Variants in HCLS1 observed in about 807,000 individuals in gnomAD.
HCLS1 encodes the protein hematopoietic lineage cell-specific protein.
In HCLS1, 44 loss-of-function variants were observed where a neutral mutation model predicts 68.6. The ratio of observed to expected loss-of-function variants is 0.64; its 90% confidence interval spans 0.50 to 0.82. The LOEUF is 0.82. Among genes scored for constraint, HCLS1 ranks in the 40% least tolerant of loss-of-function variants. HCLS1 has a pLI of 0.00. For missense variants in HCLS1, 602 were observed against 612.1 expected (o/e 0.98, Z 0.17); for synonymous variants, 217 against 225.8 (o/e 0.96, Z 0.35).
At position 121,632,469 on chromosome 3, in the gene HCLS1, G is replaced by GGCTCAGGCTCAA; in HGVS notation, c.1102_1103insTTGAGCCTGAGC (p.Glu367_Pro368insLeuGluProGlu). On this transcript the variant is annotated inframe_insertion, in exon 12 of 14. Coordinates refer to ENST00000314583, the MANE Select transcript of HCLS1 (RefSeq NM_005335.6). ...ATTCTCAGGCTCGGGCTCAGGCTCGGGCTCAGGCTCAGGCTCTGCTTCGTA... is the reference window on the plus strand; with the variant it reads ...ATTCTCAGGCTCGGGCTCAGGCTCGGGCTCAGGCTCAAGCTCAGGCTCAGGCTCTGCTTCGTA... 6.4e-7 allele frequency: 1 copy of GGCTCAGGCTCAA among 1,555,332 alleles called. No homozygotes were observed. The highest frequency in any genetic ancestry group is 8.7e-7 in the Non-Finnish European group (1 of 1,150,466).
At chr3:121,658,845 C>G (rs889351052) in intron 1 of HCLS1, among the ~76,000 whole-genome samples, 1 of 152,182 alleles carries the variant, frequency 6.6e-6, no homozygotes, top group Non-Finnish European at 1.5e-5. Context: ...ACCTGCTGAA[C>G]TACACTGAGA....
At chr3:121,655,511 G>A (rs1291294572) in intron 3 of HCLS1, 6 of 104,064 alleles carry the variant, frequency 5.8e-5, no homozygotes, top group African/African-American at 2.2e-4. Context: ...TATATTGCAA[G>A]TCGTCATGGC....
chr3:121,636,308 C>T, intron 8 of HCLS1, 126 bp downstream of exon 8: 1 of 762,104 alleles, frequency 1.3e-6, no homozygotes, highest in Non-Finnish European at 2.3e-6. Context: ...AGGACGCCAG[C>T]AGGACAGGCT....
chr3:121,657,084 G>A, intron 3 of HCLS1, 195 bp downstream of exon 3: 1 of 532,844 alleles, frequency 1.9e-6, no homozygotes, highest in Middle Eastern at 3.0e-4. Flanking sequence ...AGGGTAAGAG[G>A]AGAGACATAA....
intron 3 of HCLS1, 99 bp from the exon 4 acceptor site, chr3:121,647,547 T>TTAGG: frequency 7.8e-7 from 1 of 1,290,304 alleles, no homozygotes; most frequent in Non-Finnish European, 1.1e-6. Context: ...CCTGTTTACT[T>TTAGG]TCAGTAATAA....
Position 121,642,879 on chromosome 3 carries a change from A to G in HCLS1, c.454+48T>C. On this transcript the variant is annotated intron_variant, in intron 6 of 13. Transcript: ENST00000314583. ...CTGGAAGATAAAGTCTTAGCAGAAG[A>G]GCCTGCCGGTCAGATTGCTGAGGCT... 2.1e-6 allele frequency: 3 copies of G among 1,443,620 alleles called. No homozygotes were observed. The South Asian group carries it at 3.4e-5, about 17-fold the overall frequency. The allele number at this position is 1,443,620 out of a possible 1,614,324, so 89.4% of individuals were successfully genotyped here. A position where few individuals can be genotyped will look rare whatever the true frequency, so the allele number is the denominator to read the frequency against.
chr3:121,633,929 A>T (rs1212263776), intron 10 of HCLS1, among the ~76,000 whole-genome samples: 1 of 152,222 alleles, frequency 6.6e-6, no homozygotes, highest in Non-Finnish European at 1.5e-5. Flanking sequence ...CTCCAGCCTG[A>T]AGTGACGGCC....
At chr3:121,658,149 C>T in intron 2 of HCLS1, 115 bp downstream of exon 2, 1 of 761,720 alleles carries the variant, frequency 1.3e-6, no homozygotes, top group Non-Finnish European at 2.3e-6. Context: ...AGTATGAGGG[C>T]TGTCTCAGTC....
chr3:121,651,049 C>T (rs1488397786), intron 3 of HCLS1, among the ~76,000 whole-genome samples: 3 of 152,116 alleles, frequency 2.0e-5, no homozygotes, highest in East Asian at 3.9e-4. Context: ...GCAGCAGAAT[C>T]GCTTGAACCC....
intron 2 of HCLS1, 41 bp downstream of exon 2, chr3:121,658,223 C>G: frequency 6.7e-7 from 1 of 1,487,194 alleles, no homozygotes; most frequent in Non-Finnish European, 9.4e-7. Flanking sequence ...CTCCTCACCC[C>G]ACCCTCTGCA....
chr3:121,634,238 G>A lies in HCLS1; in HGVS notation c.872C>T (p.Pro291Leu), dbSNP rs145562548. 236 of 1,614,146 alleles carry A rather than the reference G, an allele frequency of 1.5e-4. No homozygotes were observed. Among genetic ancestry groups the A allele is most frequent in the Middle Eastern group, 5.0e-4 (3 of 6,060 alleles). Reference protein sequence around the residue: ...PVIAMEEPAVPAPLPKKISSE... With the variant: ...PVIAMEEPAVLAPLPKKISSE... ...GGAGATTTTCTTGGGCAGTGGGGCC[G>A]GTACTGCTGGCTCTTCCATAGCTAT... The change falls in exon 10 of 14, where the codon CCG becomes CTG. Residue 291 changes from proline (P) to leucine (L), a missense_variant. Physicochemically the swap from Pro to Leu is moderately conservative, Grantham distance 98. Coordinates refer to ENST00000314583, the MANE Select transcript of HCLS1 (RefSeq NM_005335.6).
At chr3:121,641,520 A>T (rs2049198050) in intron 6 of HCLS1, among the ~76,000 whole-genome samples, 1 of 152,242 alleles carries the variant, frequency 6.6e-6, no homozygotes, top group African/African-American at 2.4e-5. Context: ...ACTAAGTAAT[A>T]ATAATGATTC....
chr3:121,657,484 C>T, intron 2 of HCLS1, 132 bp from the exon 3 acceptor site: 2 of 752,138 alleles, frequency 2.7e-6, no homozygotes, highest in East Asian at 2.5e-5. Flanking sequence ...TTATTCACAT[C>T]CCCTCTATAT....
intron 8 of HCLS1, 140 bp downstream of exon 8, chr3:121,636,294 C>T (rs942850459): frequency 2.8e-6 from 2 of 702,608 alleles, no homozygotes; most frequent in Non-Finnish European, 5.1e-6. Flanking sequence ...TCAGTGGGGA[C>T]TGCAGGACGC....
At chr3:121,656,467 C>T (rs897623037) in intron 3 of HCLS1, among the ~76,000 whole-genome samples, 2 of 152,108 alleles carry the variant, frequency 1.3e-5, no homozygotes, top group Non-Finnish European at 2.9e-5. Context: ...CTGAATCATC[C>T]GTGGAAGAGA....
rs376238054 is a variant in HCLS1, at chr3:121,651,834, G to A, written c.159-4386C>T. On this transcript the variant is annotated intron_variant, in intron 3 of 13. Coordinates refer to ENST00000314583, the MANE Select transcript of HCLS1 (RefSeq NM_005335.6). ...ATTCCCTTTGGAAAAGAGTTTGAGA[G>A]TCTCTCAAAATGTTTAACATACACT... 7.6e-4 allele frequency among the ~76,000 whole-genome samples: 115 copies of A among 152,294 alleles called. 2 individuals carry two copies. In the South Asian group the frequency reaches 0.022, roughly 29 times the overall value.
At chr3:121,654,590 T>C (rs1261481999) in intron 3 of HCLS1, among the ~76,000 whole-genome samples, 2 of 152,194 alleles carry the variant, frequency 1.3e-5, no homozygotes, top group Admixed American at 1.3e-4. Flanking sequence ...ATTTGAATTA[T>C]TCACTGAATT....
At chr3:121,654,375 T>C (rs1450778573) in intron 3 of HCLS1, 1 of 152,256 alleles carries the variant, frequency 6.6e-6, no homozygotes, top group African/African-American at 2.4e-5. Flanking sequence ...AACCATTTAT[T>C]TTTCCAGAAA....
At position 121,632,357 on chromosome 3, in the gene HCLS1, A is replaced by C. The variant is rs141075247; in HGVS notation, c.1215T>G (p.Asp405Glu). The C allele has an allele frequency of 1.6e-4, 252 of 1,614,108 alleles. 5 individuals carry two copies. In the South Asian group the frequency reaches 2.4e-3, roughly 16 times the overall value. Residue 405 changes from aspartate (D) to glutamate (E), a missense_variant, in exon 12 of 14, where the codon GAT becomes GAG. Physicochemically the swap from Asp to Glu is conservative, Grantham distance 45. Transcript: ENST00000314583. ...GDYEEVLEPE[D>E]SSFSSALAGS... is the part of the protein sequence containing the mutation. ...CAGCCAGAGCAGAAGAAAAAGAAGA[A>C]TCTTCAGGCTCGAGCACCTCCTCAT...
Sources: allele counts gnomAD v4.1 joint callset (sites outside exome capture counted in the v4.1 genomes callset), GRCh38; gene constraint gnomAD v4.1.1; transcripts MANE v1.5; gene names NCBI Gene and HGNC (gene_info 2026-07-23, HGNC 2026-07-21).